Variants in PTPRT observed in about 807,000 individuals in gnomAD.
PTPRT encodes receptor-type tyrosine-protein phosphatase T.
Under a neutral mutation model 176.8 loss-of-function variants are expected in PTPRT, and 56 were observed. The ratio of observed to expected loss-of-function variants is 0.32; its 90% CI spans 0.26 to 0.40. The LOEUF is 0.40. Among genes scored for constraint, PTPRT ranks in the 10% least tolerant of loss-of-function variants. The pLI, the probability that PTPRT is intolerant of heterozygous loss-of-function variation, is 1.00. For synonymous variants in PTPRT, 783 were observed against 739.0 expected, an observed-to-expected ratio of 1.06 and a Z score of -0.96; for missense variants, 1,540 against 1,908.2, an observed-to-expected ratio of 0.81 and a Z score of 3.60.
At chr20:42,603,367 G>A (rs1034757710) in intron 7 of PTPRT, among the ~76,000 whole-genome samples, 3 of 152,102 alleles carry the variant, frequency 2.0e-5, no homozygotes, top group Non-Finnish European at 2.9e-5. Flanking sequence ...TAGGGGTGGG[G>A]TGGAGAGGGG....
intron 1 of PTPRT, among the ~76,000 whole-genome samples, chr20:43,000,390 T>C (rs1246647128): frequency 1.3e-5 from 2 of 150,812 alleles, no homozygotes; most frequent in Non-Finnish European, 1.5e-5. Flanking sequence ...ATGCAGCACA[T>C]CTGGGGTGAA....
chr20:42,441,223 G>A (rs545030797), intron 9 of PTPRT, among the ~76,000 whole-genome samples: 39 of 152,328 alleles, frequency 2.6e-4, no homozygotes, highest in African/African-American at 9.4e-4. Context: ...AAAGCAAGTT[G>A]TTAAGAGAGG....
At position 42,829,665 on chromosome 20, in the gene PTPRT, C is replaced by T. The variant is rs115390732; in HGVS notation, c.215-38199G>A. Among the ~76,000 whole-genome samples, 370 of 152,150 alleles carry T rather than the reference C, an allele frequency of 2.4e-3. 2 individuals carry two copies. Among genetic ancestry groups the T allele is most frequent in the African/African-American group, 8.2e-3 (339 of 41,512 alleles). On this transcript the variant is annotated intron_variant, in intron 2 of 30. Transcript: ENST00000373187. The stretch of plus-strand genomic sequence containing the variant: ...AAAAACATTCAAAAGATCAATGAAT[C>T]CAGGAGTTGGTTTTTTGAAAAAGTT...
intron 1 of PTPRT, among the ~76,000 whole-genome samples, chr20:43,042,993 G>T (rs528489063): frequency 1.3e-5 from 2 of 152,182 alleles, no homozygotes; most frequent in East Asian, 3.9e-4. Context: ...GGTGTACTGG[G>T]CAATAGCCCA....
chr20:42,032,303 T>G, the PTPRT span, among the ~76,000 whole-genome samples: 1 of 152,288 alleles, frequency 6.6e-6, no homozygotes, highest in East Asian at 1.9e-4. Flanking sequence ...ATACATGGTC[T>G]TTCTTCAAGA....
chr20:42,982,121 A>G (rs1983317200), intron 1 of PTPRT, among the ~76,000 whole-genome samples: 1 of 152,214 alleles, frequency 6.6e-6, no homozygotes, highest in Non-Finnish European at 1.5e-5. Context: ...CACCCTTGGG[A>G]AAGTTTCACG....
intron 15 of PTPRT, among the ~76,000 whole-genome samples, chr20:42,203,452 T>C (rs114321021): frequency 2.0e-5 from 3 of 152,260 alleles, no homozygotes; most frequent in African/African-American, 7.2e-5. Context: ...TCAGAAAACA[T>C]CAACTACCTC....
intron 1 of PTPRT, among the ~76,000 whole-genome samples, chr20:43,183,783 T>A (rs118169367): frequency 0.043 from 6,491 of 152,342 alleles, 192 homozygotes; most frequent in Non-Finnish European, 0.067. Flanking sequence ...TCTCATAAAA[T>A]ATACAGTCTC....
At chr20:42,398,837 T>TG (rs2058876898) in intron 9 of PTPRT, among the ~76,000 whole-genome samples, 1 of 152,252 alleles carries the variant, frequency 6.6e-6, no homozygotes, top group African/African-American at 2.4e-5. Flanking sequence ...GTTAGCAACC[T>TG]GAGCTGTTCT....
At chr20:42,036,877 G>T in the PTPRT span, among the ~76,000 whole-genome samples, 1 of 152,272 alleles carries the variant, frequency 6.6e-6, no homozygotes, top group East Asian at 1.9e-4. Flanking sequence ...AGAAGTTGTT[G>T]TTTCTTAAGT....
At chr20:42,887,852 G>A (rs2145875748) in intron 1 of PTPRT, among the ~76,000 whole-genome samples, 2 of 152,318 alleles carry the variant, frequency 1.3e-5, no homozygotes, top group Non-Finnish European at 2.9e-5. Flanking sequence ...CAATGTAATA[G>A]TATTAGGTGG....
rs575374935 is a variant in PTPRT at position 42,173,215 on chromosome 20, G to A, written c.2492-11673C>T. Among the ~76,000 whole-genome samples the A allele has an allele frequency of 3.0e-4, 46 of 152,228 alleles. 1 individual carries two copies. The highest frequency in any genetic ancestry group is 1.1e-3 in the African/African-American group (44 of 41,534). ...AGCAATAAGCAAAGCATCAGTCTATGGACTTAGTTCCCTAAGAGCTGAGGC... is the reference window on the plus strand; with the variant it reads ...AGCAATAAGCAAAGCATCAGTCTATAGACTTAGTTCCCTAAGAGCTGAGGC... On this transcript the variant is annotated intron_variant, in intron 16 of 30. Transcript: ENST00000373187.
rs533351207 is a variant in PTPRT at position 42,741,384 on chromosome 20, G to A, written c.859+15078C>T. Among the ~76,000 whole-genome samples, 90 of 151,980 alleles carry A rather than the reference G, an allele frequency of 5.9e-4. 1 individual carries two copies. Among genetic ancestry groups the A allele is most frequent in the African/African-American group, 2.1e-3 (87 of 41,450 alleles). On this transcript the variant is annotated intron_variant, in intron 6 of 30. Transcript: ENST00000373187. ...TTTGAGATGGAGTCTTGCTCTTGTC[G>A]CCCAGACTGGAGTGCAGTGGCGCGA...
At chr20:42,800,014 C>A (rs60561392) in intron 2 of PTPRT, among the ~76,000 whole-genome samples, 1 of 152,204 alleles carries the variant, frequency 6.6e-6, no homozygotes, top group Non-Finnish European at 1.5e-5. Flanking sequence ...TTTGTGTTCT[C>A]ATGAGAATTT....
At chr20:42,334,402 G>A (rs886794093) in intron 11 of PTPRT, among the ~76,000 whole-genome samples, 2 of 152,148 alleles carry the variant, frequency 1.3e-5, no homozygotes, top group Admixed American at 1.3e-4. Context: ...GGAAAAGGAT[G>A]TAAAAAGAAA....
intron 1 of PTPRT, among the ~76,000 whole-genome samples, chr20:43,166,626 T>C (rs544655164): frequency 5.2e-4 from 79 of 152,312 alleles, no homozygotes; most frequent in Non-Finnish European, 9.3e-4. Context: ...GCCTCAAATG[T>C]ATTACCATGA....
At chr20:42,546,713 C>T (rs567016686) in intron 7 of PTPRT, among the ~76,000 whole-genome samples, 8 of 152,180 alleles carry the variant, frequency 5.3e-5, no homozygotes, top group South Asian at 2.1e-4. Context: ...TAGAAGCCAT[C>T]GTAGGGTAAT....
intron 13 of PTPRT, among the ~76,000 whole-genome samples, chr20:42,249,824 C>T (rs2056519646): frequency 6.6e-6 from 1 of 152,218 alleles, no homozygotes; most frequent in Non-Finnish European, 1.5e-5. Context: ...ATGCTACGTA[C>T]TAGGGATCAG....
intron 12 of PTPRT, among the ~76,000 whole-genome samples, chr20:42,291,292 T>C (rs1055300616): frequency 6.6e-6 from 1 of 152,128 alleles, no homozygotes; most frequent in Non-Finnish European, 1.5e-5. Context: ...GAGCTACAAA[T>C]ACGACCAAAG....
Sources: allele counts gnomAD v4.1 joint callset (sites outside exome capture counted in the v4.1 genomes callset), GRCh38; gene constraint gnomAD v4.1.1; transcripts MANE v1.5; gene names NCBI Gene and HGNC (gene_info 2026-07-23, HGNC 2026-07-21).